GSDMC: variants seen among roughly 807,000 people sequenced by gnomAD.
The protein encoded by GSDMC is gasdermin C, also known as gasdermin-C.
In GSDMC, 59 loss-of-function variants were observed where a neutral mutation model predicts 58.0. That is an observed-to-expected ratio of 1.02 (90% confidence interval 0.82 to 1.26). The LOEUF is 1.26. Ranked by LOEUF, GSDMC falls within the 50% of genes most tolerant of loss-of-function variation. The pLI is 0.00. For missense variants in GSDMC, 659 were observed against 598.5 expected (o/e 1.10, Z -1.06); for synonymous variants, 241 against 220.2 (o/e 1.09, Z -0.83).
rs75385582 is a variant in GSDMC, at chr8:129,754,829, G to T, written c.722-2009C>A. Among the ~76,000 whole-genome samples, 675 of 152,302 alleles carry T rather than the reference G, an allele frequency of 4.4e-3. 4 individuals carry two copies. The highest frequency in any genetic ancestry group is 0.013 in the South Asian group (61 of 4,824). ...AAATGCAGTTGACATACTGAAGAAT[G>T]CCTGAGAGTCACTTAATAATAGACT... On this transcript the variant is annotated intron_variant, in intron 6 of 13. Transcript: ENST00000276708.
the GSDMC span, chr8:129,706,906 A>C: frequency 6.6e-6 from 1 of 152,212 alleles, no homozygotes; most frequent in Admixed American, 6.5e-5. Flanking sequence ...CCATTTGTTC[A>C]TTTATTAAAC....
Position 129,776,173 on chromosome 8 carries a change from C to T in GSDMC, c.333G>A (p.Val111=). The change falls in exon 3 of 14, where the codon GTG becomes GTA. Residue 111 remains valine (V), a synonymous_variant. Coordinates refer to ENST00000276708, the MANE Select transcript of GSDMC (RefSeq NM_031415.3). ...GAAACTCGAGGGAGCATCCATGGTCCACAGAGGCCTCCCCTGACACACTCA... is the reference window on the plus strand; with the variant it reads ...GAAACTCGAGGGAGCATCCATGGTCTACAGAGGCCTCCCCTGACACACTCA... ...IEVSVSGEAS[V]DHGCSLEFQI... 6.2e-7 allele frequency: 1 copy of T among 1,613,934 alleles called. No homozygotes were observed. Among genetic ancestry groups the T allele is most frequent in the East Asian group, 2.2e-5 (1 of 44,880 alleles).
intron 3 of GSDMC, 69 bp downstream of exon 3, chr8:129,776,033 T>C: frequency 1.6e-6 from 2 of 1,212,916 alleles, no homozygotes; most frequent in Non-Finnish European, 2.3e-6. Flanking sequence ...GCTAGATGTA[T>C]TTTTGTGTTC....
the GSDMC span, among the ~76,000 whole-genome samples, chr8:129,706,765 T>C: frequency 3.9e-5 from 6 of 152,214 alleles, no homozygotes; most frequent in East Asian, 1.2e-3. Flanking sequence ...GAAGAGAGGC[T>C]ACATTGCTCT....
the GSDMC span, chr8:129,729,103 T>C: frequency 3.1e-6 from 2 of 639,736 alleles, no homozygotes; most frequent in Non-Finnish European, 6.0e-6. Context: ...CAGATGAAAA[T>C]GATCTGATCC....
intron 5 of GSDMC, 135 bp from the exon 6 acceptor site, chr8:129,760,724 A>C (rs1299792142): frequency 3.5e-6 from 2 of 568,926 alleles, no homozygotes; most frequent in Admixed American, 2.8e-5. Context: ...GTGCCTTCTG[A>C]ATCACTTTGA....
the GSDMC span, among the ~76,000 whole-genome samples, chr8:129,706,107 GT>G: frequency 6.6e-6 from 1 of 152,184 alleles, no homozygotes; most frequent in Non-Finnish European, 1.5e-5. Context: ...CTTAGTGTCT[GT>G]TTAGGAAGGT....
At chr8:129,723,940 G>A in the GSDMC span, among the ~76,000 whole-genome samples, 1 of 152,210 alleles carries the variant, frequency 6.6e-6, no homozygotes, top group East Asian at 1.9e-4. Flanking sequence ...CTAGCAAATA[G>A]TAAGTGTTCA....
chr8:129,781,345 G>A (rs762680453), intron 1 of GSDMC, among the ~76,000 whole-genome samples: 5 of 152,032 alleles, frequency 3.3e-5, no homozygotes, highest in Admixed American at 6.6e-5. Context: ...AAATATATTC[G>A]TGTCAATGAA....
the GSDMC span, chr8:129,730,471 G>A: frequency 1.3e-5 from 12 of 904,852 alleles, no homozygotes; most frequent in Admixed American, 3.1e-5. Context: ...ATACACTTTT[G>A]TAGCTTAGAA....
At chr8:129,760,505 T>C (rs748089851) in intron 6 of GSDMC, 40 bp downstream of exon 6, 5 of 1,315,692 alleles carry the variant, frequency 3.8e-6, no homozygotes, top group African/African-American at 1.5e-5. Context: ...CATGTACTCA[T>C]AAAAATAAAA....
At chr8:129,726,327 T>A in the GSDMC span, among the ~76,000 whole-genome samples, 19 of 152,142 alleles carry the variant, frequency 1.2e-4, no homozygotes, top group Non-Finnish European at 2.6e-4. Flanking sequence ...GATGCCCCAC[T>A]TCTCCCAGCC....
rs1017013213 is a variant in GSDMC at position 129,766,815 on chromosome 8, A to T, written c.405-1022T>A. ...AACGGGAAAAAGAGAGCCAAAGTAG[A>T]TATCCAGCTTCAAACAGCGTTCCAA... On this transcript the variant is annotated intron_variant, in intron 3 of 13. Coordinates refer to ENST00000276708, the MANE Select transcript of GSDMC (RefSeq NM_031415.3). Among the ~76,000 whole-genome samples the T allele has an allele frequency of 3.3e-5, 5 of 152,172 alleles. No homozygotes were observed. The South Asian group carries it at 8.3e-4, about 25-fold the overall frequency.
At chr8:129,725,793 T>C in the GSDMC span, among the ~76,000 whole-genome samples, 1 of 152,196 alleles carries the variant, frequency 6.6e-6, no homozygotes, top group Non-Finnish European at 1.5e-5. Flanking sequence ...AGCTCAAAGA[T>C]TTTGAATTAT....
At chr8:129,709,918 TGTG>T in the GSDMC span, among the ~76,000 whole-genome samples, 1 of 152,202 alleles carries the variant, frequency 6.6e-6, no homozygotes, top group South Asian at 2.1e-4. Context: ...TCAGCTTTAT[TGTG>T]GTGTTCTTTG....
At chr8:129,752,886 A>G (rs1302400109) in intron 6 of GSDMC, 66 bp from the exon 7 acceptor site, 2 of 1,606,540 alleles carry the variant, frequency 1.2e-6, no homozygotes, top group Non-Finnish European at 8.5e-7. Context: ...GCCTTGTCAT[A>G]GCAGAGAGCA....
At chr8:129,772,471 G>T (rs1272077341) in intron 3 of GSDMC, among the ~76,000 whole-genome samples, 1 of 151,978 alleles carries the variant, frequency 6.6e-6, no homozygotes, top group East Asian at 1.9e-4. Flanking sequence ...AAATAAAAAA[G>T]ATCATGAGAG....
chr8:129,747,340 T>C (rs1421903894), downstream of GSDMC, among the ~76,000 whole-genome samples: 1 of 151,426 alleles, frequency 6.6e-6, no homozygotes, highest in Non-Finnish European at 1.5e-5. Flanking sequence ...TTACAAATAA[T>C]AAAATAATTG....
At chr8:129,730,304 C>A in the GSDMC span, 1 of 1,367,102 alleles carries the variant, frequency 7.3e-7, no homozygotes, top group South Asian at 1.3e-5. Flanking sequence ...AGAACCAGGT[C>A]ACAGATCACA....
Sources: gnomAD v4.1 joint callset for allele counts (sites outside exome capture counted in the v4.1 genomes callset) on GRCh38, gnomAD v4.1.1 for gene constraint, MANE v1.5 for transcripts, NCBI Gene and HGNC (gene_info 2026-07-23, HGNC 2026-07-21) for gene names.